FARP2: variants seen among roughly 807,000 people sequenced by gnomAD.
FARP2 encodes the protein FERM, ARHGEF and pleckstrin domain-containing protein 2.
In FARP2, 111 loss-of-function variants were observed where a neutral mutation model predicts 130.5. The observed-to-expected ratio is 0.85, with a 90% confidence interval of 0.73 to 1.00. The LOEUF (loss-of-function observed/expected upper bound fraction) is 1.00, where lower values mean the gene tolerates loss of function less well. FARP2 is among the 50% of genes least tolerant of loss of function. The pLI is 0.00. For missense variants in FARP2, 1,385 were observed against 1,346.3 expected (o/e 1.03, Z -0.45); for synonymous variants, 504 against 516.9 (o/e 0.98, Z 0.34).
chr2:241,385,923 T>C (rs2061773233), intron 2 of FARP2, among the ~76,000 whole-genome samples: 1 of 152,218 alleles, frequency 6.6e-6, no homozygotes, highest in South Asian at 2.1e-4. Flanking sequence ...AGCTTCCCAT[T>C]GTGAATGTGC....
intron 13 of FARP2, among the ~76,000 whole-genome samples, chr2:241,449,290 G>A (rs1021575563): frequency 9.3e-5 from 14 of 150,620 alleles, no homozygotes; most frequent in African/African-American, 2.2e-4. Flanking sequence ...GCGAGACCCG[G>A]TTCTCCAGAA....
intron 8 of FARP2, among the ~76,000 whole-genome samples, chr2:241,419,589 A>C (rs1023864045): frequency 7.2e-5 from 11 of 152,144 alleles, no homozygotes; most frequent in African/African-American, 2.7e-4. Flanking sequence ...AAAGATGAGG[A>C]TAGCAGCAAT....
At chr2:241,379,379 C>G (rs1434960386) in intron 2 of FARP2, among the ~76,000 whole-genome samples, 1 of 152,218 alleles carries the variant, frequency 6.6e-6, no homozygotes, top group East Asian at 1.9e-4. Context: ...CCTTTGCTGA[C>G]AAGTGGGGAT....
In FARP2 at chr2:241,490,057, C is replaced by T. The variant is rs760508545; in HGVS notation, c.2504+13C>T. 2.5e-6 allele frequency: 4 copies of T among 1,599,496 alleles called. No individual in the cohort carries two copies. Among genetic ancestry groups the T allele is most frequent in the Non-Finnish European group, 3.4e-6 (4 of 1,166,712 alleles). ...TGGTGGCAGCCAGGTAAGGGTCTTC[C>T]ATGTCTCCATCCTGAGCAGCCCTGG... On this transcript the variant is annotated intron_variant, in intron 22 of 26. Coordinates refer to ENST00000264042, the MANE Select transcript of FARP2 (RefSeq NM_014808.4).
intron 12 of FARP2, among the ~76,000 whole-genome samples, chr2:241,438,052 G>A (rs985326351): frequency 3.3e-5 from 5 of 152,070 alleles, no homozygotes; most frequent in Admixed American, 1.3e-4. Context: ...CAAGTGATAC[G>A]CCTGCCTTGG....
chr2:241,404,680 G>A (rs1269108105), intron 3 of FARP2, 119 bp from the exon 4 acceptor site: 1 of 709,214 alleles, frequency 1.4e-6, no homozygotes, highest in African/African-American at 1.8e-5. Flanking sequence ...GGGGGGTAGA[G>A]TCAAAATTTT....
At chr2:241,410,362 C>G (rs1205147997) in intron 5 of FARP2, among the ~76,000 whole-genome samples, 3 of 151,982 alleles carry the variant, frequency 2.0e-5, no homozygotes, top group Non-Finnish European at 4.4e-5. Context: ...TGACCTTCCT[C>G]CTTGAAGGTA....
intron 13 of FARP2, chr2:241,446,227 T>TGA (rs2063511347): frequency 6.6e-6 from 1 of 152,218 alleles, no homozygotes; most frequent in Non-Finnish European, 1.5e-5. Context: ...TGTGCCTTTT[T>TGA]TATATTACCA....
intron 8 of FARP2, among the ~76,000 whole-genome samples, chr2:241,421,444 C>T (rs1351866826): frequency 6.6e-6 from 1 of 152,246 alleles, no homozygotes; most frequent in African/African-American, 2.4e-5. Context: ...GAATTCTAGC[C>T]AGCCAACAGC....
intron 1 of FARP2, among the ~76,000 whole-genome samples, chr2:241,371,041 G>A (rs891725569): frequency 5.3e-5 from 8 of 152,156 alleles, no homozygotes; most frequent in Non-Finnish European, 1.0e-4. Context: ...GCTTCTCCCG[G>A]AGGATTTAGC....
Position 241,413,302 on chromosome 2 carries a change from C to G in FARP2, c.509-5C>G, listed in dbSNP as rs145651106. The G allele has an allele frequency of 3.5e-3, 5,549 of 1,575,732 alleles. 5 individuals carry two copies. Among genetic ancestry groups the G allele is most frequent in the Non-Finnish European group, 4.3e-3 (4,978 of 1,151,690 alleles). On this transcript the variant is annotated splice_region_variant and splice_polypyrimidine_tract_variant and intron_variant, in intron 6 of 26. Transcript: ENST00000264042. Reference sequence around the variant, plus strand: ...AATTAGTTACTTACTTTTAACCTATCTCAGCGGAAATAGGAGATTACGATG... The same window carrying G: ...AATTAGTTACTTACTTTTAACCTATGTCAGCGGAAATAGGAGATTACGATG...
Position 241,463,346 on chromosome 2 carries a change from C to T in FARP2, c.1689C>T (p.Ser563=), listed in dbSNP as rs765963803. ...CACTCTTCCCACAGTGGTTCCGCAG[C>T]GCAGTGGTGAAGGAGGACGCCATGC... is the stretch of plus-strand genomic sequence containing the variant. ...DLEVITVWFR[S]AVVKEDAMPA... The change falls in exon 16 of 27, where the codon AGC becomes AGT. Residue 563 remains serine (S), a synonymous_variant. Transcript: ENST00000264042. 3.1e-5 allele frequency: 50 copies of T among 1,613,918 alleles called. No homozygotes were observed. The highest frequency in any genetic ancestry group is 2.5e-4 in the South Asian group (23 of 91,078).
rs147738223 is a variant in FARP2 at position 241,373,202 on chromosome 2, G to A, written c.95G>A (p.Gly32Glu). The A allele has an allele frequency of 1.8e-4, 282 of 1,581,974 alleles. 1 individual carries two copies. In the African/African-American group the frequency reaches 2.6e-3, roughly 14 times the overall value. The change falls in exon 2 of 27, where the codon GGG becomes GAG. Residue 32 changes from glycine to glutamate, a missense_variant. By Grantham distance (98) the Gly-to-Glu change is moderately conservative. Transcript: ENST00000264042. ...TPVGVSTLEP[G>E]QTLLPRMQEK... ...GTGGGAGTTAGCACCCTTGAGCCTGGGCAGACTCTCTTGCCCAGAATGCAA... is the reference window on the plus strand; with the variant it reads ...GTGGGAGTTAGCACCCTTGAGCCTGAGCAGACTCTCTTGCCCAGAATGCAA...
intron 2 of FARP2, among the ~76,000 whole-genome samples, chr2:241,396,568 C>T (rs1472340966): frequency 6.6e-6 from 1 of 152,114 alleles, no homozygotes; most frequent in Non-Finnish European, 1.5e-5. Flanking sequence ...ATGCAGCCAA[C>T]AAACACATGA....
At position 241,405,161 on chromosome 2, in the gene FARP2, G is replaced by T. The variant is rs2062300724; in HGVS notation, c.331+320G>T. The stretch of plus-strand genomic sequence containing the variant: ...GACATTGAGATTCTTCTTTTAAGTA[G>T]CTTTTAATAAAATAGTTGATACTGT... On this transcript the variant is annotated intron_variant, in intron 4 of 26. Transcript: ENST00000264042. The T allele has an allele frequency of 2.0e-5, 4 of 203,966 alleles. No homozygotes were observed. The South Asian group carries it at 3.7e-4, about 19-fold the overall frequency. 12.6% of individuals were successfully genotyped at this position (203,966 alleles called of 1,614,324 possible). A position where few individuals can be genotyped will look rare whatever the true frequency, so the allele number is the denominator to read the frequency against.
chr2:241,394,199 A>G (rs1473660373), intron 2 of FARP2, among the ~76,000 whole-genome samples: 1 of 152,168 alleles, frequency 6.6e-6, no homozygotes, highest in Non-Finnish European at 1.5e-5. Flanking sequence ...GGTATGTTTT[A>G]AGTCGAGAAG....
chr2:241,386,014 A>G (rs775324321), intron 2 of FARP2, among the ~76,000 whole-genome samples: 99 of 152,362 alleles, frequency 6.5e-4, no homozygotes, highest in Admixed American at 2.0e-3. Flanking sequence ...AAAGATATAC[A>G]TAACTGTTAG....
At position 241,493,359 on chromosome 2, in the gene FARP2, G is replaced by A. The variant is rs1574925058; in HGVS notation, c.2962G>A (p.Gly988Ser). The A allele has an allele frequency of 1.2e-6, 2 of 1,613,984 alleles. No individual in the cohort carries two copies. Among genetic ancestry groups the A allele is most frequent in the Middle Eastern group, 1.7e-4 (1 of 6,060 alleles). Residue 988 changes from glycine to serine, a missense_variant, in exon 26 of 27, where the codon GGC becomes AGC. Transcript: ENST00000264042. ...YSVSIPREAD[G>S]IHKDYVFKLQ... ...CGTGAGCATCCCCAGGGAGGCCGAT[G>A]GCATACACAAAGACTATGTTTTCAA...
intron 2 of FARP2, among the ~76,000 whole-genome samples, chr2:241,380,253 C>T (rs2061629815): frequency 6.6e-6 from 1 of 152,174 alleles, no homozygotes; most frequent in African/African-American, 2.4e-5. Context: ...GTCACCTGGA[C>T]TCGCACACCA....
Sources: gnomAD v4.1 joint callset for allele counts (sites outside exome capture counted in the v4.1 genomes callset) on GRCh38, gnomAD v4.1.1 for gene constraint, MANE v1.5 for transcripts, NCBI Gene and HGNC (gene_info 2026-07-23, HGNC 2026-07-21) for gene names.